Variants in GALNT13 observed in about 807,000 individuals in gnomAD.
The protein encoded by GALNT13 is polypeptide N-acetylgalactosaminyltransferase 13.
In GALNT13, 28 loss-of-function variants were observed where a neutral mutation model predicts 64.2. The ratio of observed to expected loss-of-function variants is 0.44; its 90% confidence interval spans 0.32 to 0.60. The LOEUF (loss-of-function observed/expected upper bound fraction) is 0.60. Among genes scored for constraint, GALNT13 ranks in the 20% least tolerant of loss-of-function variants. GALNT13 has a pLI of 0.05. For synonymous variants in GALNT13, 214 were observed against 224.6 expected, an observed-to-expected ratio of 0.95 and a Z score of 0.42; for missense variants, 577 against 669.8, an observed-to-expected ratio of 0.86 and a Z score of 1.53.
the GALNT13 span, among the ~76,000 whole-genome samples, chr2:153,154,395 T>C: frequency 6.6e-6 from 1 of 152,172 alleles, no homozygotes; most frequent in African/African-American, 2.4e-5. Context: ...CCATTAAGTC[T>C]CTTTTTCTTT....
the GALNT13 span, among the ~76,000 whole-genome samples, chr2:153,085,507 C>CA: frequency 5.3e-5 from 8 of 152,130 alleles, no homozygotes; most frequent in South Asian, 2.1e-4. Context: ...CCACCTGTGG[C>CA]AAAAAAAGCA....
the GALNT13 span, among the ~76,000 whole-genome samples, chr2:153,482,769 CTT>C: frequency 2.5e-4 from 36 of 144,502 alleles, no homozygotes; most frequent in Admixed American, 4.2e-4. Context: ...CGCACCCAGC[CTT>C]TTTTTTTTTT....
the GALNT13 span, among the ~76,000 whole-genome samples, chr2:153,645,667 A>T: frequency 6.6e-6 from 1 of 152,126 alleles, no homozygotes; most frequent in Admixed American, 6.6e-5. Context: ...AATATGTCTC[A>T]AGAGGCTTTC....
chr2:153,809,739 G>A, the GALNT13 span, among the ~76,000 whole-genome samples: 2 of 152,070 alleles, frequency 1.3e-5, no homozygotes, highest in East Asian at 3.9e-4. Flanking sequence ...CCAATATTAT[G>A]TACTACGCCT....
the GALNT13 span, among the ~76,000 whole-genome samples, chr2:153,480,048 A>G: frequency 2.5e-4 from 38 of 152,334 alleles, no homozygotes; most frequent in Non-Finnish European, 4.9e-4. Flanking sequence ...AAGAACTGAT[A>G]AAAATTTGAG....
the GALNT13 span, among the ~76,000 whole-genome samples, chr2:153,150,739 C>G: frequency 4.6e-5 from 7 of 152,050 alleles, no homozygotes; most frequent in Non-Finnish European, 1.0e-4. Context: ...AATTGCTTCC[C>G]CATTTCTTGT....
At chr2:153,748,978 T>C in the GALNT13 span, among the ~76,000 whole-genome samples, 1 of 152,268 alleles carries the variant, frequency 6.6e-6, no homozygotes, top group East Asian at 1.9e-4. Flanking sequence ...GACTTAAGGC[T>C]GTAATTCATT....
At chr2:153,314,722 G>GATAAACAAAATAAAAAT in the GALNT13 span, among the ~76,000 whole-genome samples, 15,766 of 151,676 alleles carry the variant, frequency 0.1, 979 homozygotes, top group African/African-American at 0.17. Flanking sequence ...AATACTTTGA[G>GATAAACAAAATAAAAAT]ATAAACAAAA....
the GALNT13 span, among the ~76,000 whole-genome samples, chr2:153,274,256 G>C: frequency 1.3e-5 from 2 of 152,112 alleles, no homozygotes. Flanking sequence ...GCCGTTATTG[G>C]AGACTTGGCC....
At chr2:153,967,127 C>T (rs890213049) in intron 3 of GALNT13, among the ~76,000 whole-genome samples, 4 of 152,010 alleles carry the variant, frequency 2.6e-5, no homozygotes, top group Non-Finnish European at 5.9e-5. Flanking sequence ...TTCTGAATTC[C>T]TTCTCTGTGT....
chr2:153,803,749 T>C, the GALNT13 span, among the ~76,000 whole-genome samples: 4 of 148,702 alleles, frequency 2.7e-5, no homozygotes, highest in Non-Finnish European at 6.0e-5. Flanking sequence ...GAGAGATTGA[T>C]CTCTCTCTCC....
rs74903966 is a variant in GALNT13 at position 154,205,331 on chromosome 2, T to C, written c.312-36699T>C. Among the ~76,000 whole-genome samples, 24 of 152,342 alleles carry C rather than the reference T, an allele frequency of 1.6e-4. 2 individuals are homozygous for C. The East Asian group carries it at 4.6e-3, about 29-fold the overall frequency. ...TTCTGTGTGTTTTCCACCTGTGTTC[T>C]CTAACTGTGGAACTAGTAGCCACTA... On this transcript the variant is annotated intron_variant, in intron 4 of 12. Coordinates refer to ENST00000392825, the MANE Select transcript of GALNT13 (RefSeq NM_052917.4).
the GALNT13 span, among the ~76,000 whole-genome samples, chr2:153,826,561 T>C: frequency 6.6e-6 from 1 of 152,240 alleles, no homozygotes; most frequent in Non-Finnish European, 1.5e-5. Flanking sequence ...AATAAATTCT[T>C]ATACTTTAAT....
the GALNT13 span, among the ~76,000 whole-genome samples, chr2:153,631,527 A>C: frequency 1.3e-5 from 2 of 152,026 alleles, no homozygotes; most frequent in Admixed American, 6.5e-5. Flanking sequence ...ATGATATCTC[A>C]TTGTGGTTTT....
chr2:153,565,907 GA>G, the GALNT13 span, among the ~76,000 whole-genome samples: 5 of 150,478 alleles, frequency 3.3e-5, no homozygotes, highest in South Asian at 2.1e-4. Flanking sequence ...AAAAATTAAT[GA>G]AAAAAAATAA....
intron 1 of GALNT13, among the ~76,000 whole-genome samples, chr2:153,899,390 T>A (rs1002639157): frequency 7.9e-5 from 12 of 152,216 alleles, no homozygotes; most frequent in African/African-American, 2.7e-4. Context: ...TATAACTTTA[T>A]AATTGTATTG....
chr2:154,220,328 G>A (rs933219576), intron 4 of GALNT13, among the ~76,000 whole-genome samples: 8 of 152,182 alleles, frequency 5.3e-5, no homozygotes, highest in African/African-American at 1.9e-4. Context: ...GAAAGAACCT[G>A]TAAATAGATG....
intron 4 of GALNT13, among the ~76,000 whole-genome samples, chr2:154,173,018 T>C (rs1202510255): frequency 6.6e-6 from 1 of 151,742 alleles, no homozygotes; most frequent in East Asian, 1.9e-4. Flanking sequence ...GACAAAGCAA[T>C]CATGAGCAAA....
At chr2:154,212,262 T>C (rs865819938) in intron 4 of GALNT13, among the ~76,000 whole-genome samples, 4 of 151,910 alleles carry the variant, frequency 2.6e-5, no homozygotes, top group Admixed American at 6.6e-5. Flanking sequence ...TTTTTTTTTT[T>C]GAGACGGAGT....
Sources: allele counts gnomAD v4.1 joint callset (sites outside exome capture counted in the v4.1 genomes callset), GRCh38; gene constraint gnomAD v4.1.1; transcripts MANE v1.5; gene names NCBI Gene and HGNC (gene_info 2026-07-23, HGNC 2026-07-21).